USP10: variants seen among roughly 807,000 people sequenced by gnomAD.
USP10 encodes the protein ubiquitin carboxyl-terminal hydrolase 10.
A neutral mutation model predicts 84.5 loss-of-function variants in USP10; 22 were observed. The ratio of observed to expected loss-of-function variants is 0.26; its 90% CI spans 0.19 to 0.37. The LOEUF (loss-of-function observed/expected upper bound fraction) is 0.37. USP10 is among the 10% of genes least tolerant of loss of function. The pLI is 1.00. For synonymous variants in USP10, 454 were observed against 387.6 expected, an observed-to-expected ratio of 1.17 and a Z score of -2.01; for missense variants, 1,019 against 998.9, an observed-to-expected ratio of 1.02 and a Z score of -0.27.
intron 4 of USP10, among the ~76,000 whole-genome samples, chr16:84,755,498 C>T (rs1473972475): frequency 2.0e-5 from 3 of 152,066 alleles, no homozygotes; most frequent in African/African-American, 7.3e-5. Flanking sequence ...CTTCTCTACC[C>T]TTCCAGCCCT....
At chr16:84,737,563 G>C (rs1012081101) in intron 2 of USP10, among the ~76,000 whole-genome samples, 1 of 152,220 alleles carries the variant, frequency 6.6e-6, no homozygotes, top group Non-Finnish European at 1.5e-5. Context: ...ATTCCTGCAG[G>C]TGCGCTCTTT....
chr16:84,705,791 T>G (rs1162034175), intron 1 of USP10, among the ~76,000 whole-genome samples: 3 of 144,302 alleles, frequency 2.1e-5, no homozygotes, highest in Admixed American at 7.3e-5. Flanking sequence ...GCGATCTGGG[T>G]TCACTGCAGC....
At chr16:84,732,920 C>G (rs1438281207) in intron 1 of USP10, 4 of 369,726 alleles carry the variant, frequency 1.1e-5, no homozygotes, top group African/African-American at 8.5e-5. Context: ...ATCTGTGTAT[C>G]CTATGGAAAT....
intron 4 of USP10, 38 bp downstream of exon 4, chr16:84,745,711 G>C (rs1310580785): frequency 1.3e-6 from 2 of 1,558,200 alleles, no homozygotes; most frequent in Admixed American, 1.9e-5. Context: ...GTGAAGATGG[G>C]AGCAGACCTC....
intron 4 of USP10, among the ~76,000 whole-genome samples, chr16:84,748,131 G>A (rs1285318308): frequency 1.6e-5 from 2 of 124,332 alleles, no homozygotes; most frequent in African/African-American, 3.0e-5. Flanking sequence ...TCCAGCCTGG[G>A]CGACAGAGCC....
chr16:84,767,942 T>C (rs1030337160), intron 10 of USP10, among the ~76,000 whole-genome samples: 2 of 152,214 alleles, frequency 1.3e-5, no homozygotes, highest in Non-Finnish European at 2.9e-5. Flanking sequence ...GCAGTGTTTG[T>C]GTCCCTGATT....
At chr16:84,708,347 G>C (rs1301952307) in intron 1 of USP10, among the ~76,000 whole-genome samples, 1 of 152,162 alleles carries the variant, frequency 6.6e-6, no homozygotes, top group African/African-American at 2.4e-5. Flanking sequence ...CTGCTCCGAA[G>C]GCTGAGGCAG....
rs749796171 is a variant in USP10 at position 84,701,934 on chromosome 16, C to CTTTTTTTT, written c.21+1825_21+1826insTTTTTTTT. 6.5e-5 allele frequency among the ~76,000 whole-genome samples: 6 copies of CTTTTTTTT among 92,704 alleles called. 1 individual carries two copies. Among genetic ancestry groups the CTTTTTTTT allele is most frequent in the African/African-American group, 9.0e-5 (2 of 22,344 alleles). 60.8% of individuals were successfully genotyped at this position (92,704 alleles called of 152,430 possible). A position where few individuals can be genotyped will look rare whatever the true frequency, so the allele number is the denominator to read the frequency against. Reference sequence around the variant, plus strand: ...TAGTTTGATTTCTCATAATTTTCTTCTTCTTTTTTTTTTTTTTTTTGAGTT... The same window carrying CTTTTTTTT: ...TAGTTTGATTTCTCATAATTTTCTTCTTTTTTTTTTCTTTTTTTTTTTTTTTTTGAGTT... On this transcript the variant is annotated intron_variant, in intron 1 of 13. Coordinates refer to ENST00000219473, the MANE Select transcript of USP10 (RefSeq NM_005153.3).
intron 5 of USP10, 58 bp downstream of exon 5, chr16:84,758,865 G>T: frequency 7.7e-7 from 1 of 1,294,352 alleles, no homozygotes; most frequent in South Asian, 1.2e-5. Flanking sequence ...CCTCCTTTGG[G>T]TGCATGTGAC....
chr16:84,731,317 A>G (rs948736365), intron 1 of USP10, among the ~76,000 whole-genome samples: 1 of 151,512 alleles, frequency 6.6e-6, no homozygotes, highest in Admixed American at 6.6e-5. Context: ...GTTGCAGAGC[A>G]GGGCTACGCC....
intron 6 of USP10, among the ~76,000 whole-genome samples, chr16:84,759,678 G>A (rs561897309): frequency 2.2e-4 from 34 of 152,280 alleles, no homozygotes; most frequent in African/African-American, 7.9e-4. Context: ...TTTAGATTCA[G>A]TAGAAAATAT....
At chr16:84,710,534 G>A (rs1760949742) in intron 1 of USP10, among the ~76,000 whole-genome samples, 1 of 152,098 alleles carries the variant, frequency 6.6e-6, no homozygotes. Context: ...AGTTAGGGAA[G>A]GTCATTTAGG....
intron 1 of USP10, among the ~76,000 whole-genome samples, chr16:84,700,620 G>A (rs890949944): frequency 1.3e-5 from 2 of 152,178 alleles, no homozygotes; most frequent in East Asian, 3.9e-4. Flanking sequence ...TGATGCGGGG[G>A]TTGCCGATTT....
intron 9 of USP10, among the ~76,000 whole-genome samples, chr16:84,763,426 C>G (rs1219655956): frequency 1.3e-5 from 2 of 152,150 alleles, no homozygotes; most frequent in Non-Finnish European, 2.9e-5. Context: ...ATATATATGT[C>G]TTATCTGTCC....
chr16:84,716,297 T>TA (rs1907006619), intron 1 of USP10: 1 of 152,222 alleles, frequency 6.6e-6, no homozygotes, highest in Admixed American at 6.5e-5. Context: ...CTTTAAATAT[T>TA]ATTGTTCCTT....
At chr16:84,756,889 G>A (rs1369887864) in intron 4 of USP10, among the ~76,000 whole-genome samples, 3 of 152,192 alleles carry the variant, frequency 2.0e-5, no homozygotes, top group African/African-American at 7.2e-5. Flanking sequence ...CTTTAAGCCT[G>A]TGGGGAAAAG....
At chr16:84,762,053 C>T (rs1264916830) in intron 8 of USP10, among the ~76,000 whole-genome samples, 1 of 152,238 alleles carries the variant, frequency 6.6e-6, no homozygotes, top group East Asian at 1.9e-4. Context: ...GGCAGTTGTG[C>T]TGTGAAGAAT....
chr16:84,700,216 GT>G, intron 1 of USP10, 105 bp downstream of exon 1: 2 of 918,648 alleles, frequency 2.2e-6, no homozygotes, highest in Non-Finnish European at 2.7e-6. Context: ...GCGTGTGGGA[GT>G]GGGGGAGGGC....
Position 84,772,606 on chromosome 16 carries a change from A to C in USP10, c.2064A>C (p.Arg688=). ...CTGTCCTCGTGCTGCACCTGAAACG[A>C]TTCGTTTATGAGAAGACTGGTGGGT... ...LPPVLVLHLK[R]FVYEKTGGCQ... Residue 688 remains arginine (R), a synonymous_variant, in exon 12 of 14, where the codon CGA becomes CGC. Transcript: ENST00000219473. 1 of 1,613,990 alleles carries C rather than the reference A, an allele frequency of 6.2e-7. No homozygotes were observed. The highest frequency in any genetic ancestry group is 8.5e-7 in the Non-Finnish European group (1 of 1,179,888).
Sources: gnomAD v4.1 joint callset for allele counts (sites outside exome capture counted in the v4.1 genomes callset) on GRCh38, gnomAD v4.1.1 for gene constraint, MANE v1.5 for transcripts, NCBI Gene and HGNC (gene_info 2026-07-23, HGNC 2026-07-21) for gene names.